FAM114A2: variants seen among roughly 807,000 people sequenced by gnomAD.
FAM114A2 encodes family with sequence similarity 114 member A2, also known as protein FAM114A2.
Under a neutral mutation model 58.4 loss-of-function variants are expected in FAM114A2, and 53 were observed. That is an observed-to-expected ratio of 0.91 (90% CI 0.73 to 1.14). FAM114A2 has a LOEUF of 1.14. FAM114A2 is among the 50% of genes most tolerant of loss of function. The probability of loss-of-function intolerance (pLI) is 0.00; values close to 1 mark genes in which losing one functional copy is unlikely to be tolerated. For missense variants in FAM114A2, 601 were observed against 581.1 expected (o/e 1.03, Z -0.35); for synonymous variants, 228 against 211.4 (o/e 1.08, Z -0.68).
chr5:154,038,314 T>A (rs1335123874), intron 1 of FAM114A2: 1 of 152,224 alleles, frequency 6.6e-6, no homozygotes, highest in African/African-American at 2.4e-5. Flanking sequence ...GCAGTACAGC[T>A]TAGTAGCTAA....
rs780300198 is a variant in FAM114A2 at position 153,992,933 on chromosome 5, T to C, written c.*43A>G. 1.9e-6 allele frequency: 3 copies of C among 1,587,390 alleles called. No individual in the cohort carries two copies. The South Asian group carries it at 3.4e-5, about 18-fold the overall frequency. On this transcript the variant is annotated 3_prime_UTR_variant, in exon 14 of 14. Transcript: ENST00000351797. ...CAGGAGTAGCCAGAATAAGGTGGCA[T>C]TCCTTGGCCGTCACAAGTCCCAGGT...
At chr5:154,004,530 CAAAT>C (rs1279900053) in intron 9 of FAM114A2, among the ~76,000 whole-genome samples, 1 of 151,228 alleles carries the variant, frequency 6.6e-6, no homozygotes, top group East Asian at 2.0e-4. Flanking sequence ...ACACATACAA[CAAAT>C]AAAAACTTTG....
Position 154,029,482 on chromosome 5 carries a change from T to A in FAM114A2, c.495+7A>T, listed in dbSNP as rs750676382. ...AGGAACAGACCACCTTGCACTTTTT[T>A]ACTTACTGTGCTCTGAACAGCAGTA... On this transcript the variant is annotated splice_region_variant and intron_variant, in intron 5 of 13. Coordinates refer to ENST00000351797, the MANE Select transcript of FAM114A2 (RefSeq NM_018691.4). 5.9e-6 allele frequency: 9 copies of A among 1,538,426 alleles called. No individual in the cohort carries two copies. The highest frequency in any genetic ancestry group is 8.1e-6 in the Non-Finnish European group (9 of 1,112,718).
intron 8 of FAM114A2, among the ~76,000 whole-genome samples, chr5:154,012,816 G>A (rs2113332445): frequency 6.6e-6 from 1 of 152,152 alleles, no homozygotes; most frequent in East Asian, 1.9e-4. Context: ...TGGATACAAG[G>A]GATGAATCTG....
chr5:154,018,593 G>C (rs1771202463), intron 8 of FAM114A2, among the ~76,000 whole-genome samples: 1 of 152,036 alleles, frequency 6.6e-6, no homozygotes, highest in Non-Finnish European at 1.5e-5. Flanking sequence ...AACCAGGAAA[G>C]AACATAACCA....
intron 8 of FAM114A2, among the ~76,000 whole-genome samples, chr5:154,011,587 A>G (rs1250061887): frequency 3.9e-5 from 6 of 152,168 alleles, no homozygotes; most frequent in African/African-American, 1.4e-4. Flanking sequence ...ACATTAAGTG[A>G]CTTCCCCAAG....
At chr5:154,034,409 C>A (rs1213728935) in intron 2 of FAM114A2, 32 bp from the exon 3 acceptor site, 2 of 1,371,136 alleles carry the variant, frequency 1.5e-6, no homozygotes, top group Non-Finnish European at 2.0e-6. Flanking sequence ...AAACAAAAGG[C>A]AAAGAAAAAT....
chr5:154,023,889 G>GA (rs982658290), intron 8 of FAM114A2, among the ~76,000 whole-genome samples: 16 of 151,688 alleles, frequency 1.1e-4, no homozygotes, highest in African/African-American at 3.1e-4. Flanking sequence ...AAAAGAAAAA[G>GA]AAAAAAAAGT....
intron 9 of FAM114A2, among the ~76,000 whole-genome samples, chr5:154,008,530 A>ATTGAAAATT (rs1481720505): frequency 1.3e-5 from 2 of 152,168 alleles, no homozygotes; most frequent in Non-Finnish European, 2.9e-5. Context: ...GTCAAAATGA[A>ATTGAAAATT]TTGAAAATTT....
chr5:153,997,689 TACTAAAA>T lies in FAM114A2; in HGVS notation c.1329+107_1329+113del, dbSNP rs1208462414. 1.3e-5 allele frequency: 9 copies of T among 688,618 alleles called. No individual in the cohort carries two copies. The Admixed American group carries it at 1.7e-4, about 13-fold the overall frequency. The allele number at this position is 688,618 out of a possible 1,614,324, so 42.7% of individuals were successfully genotyped here. On this transcript the variant is annotated intron_variant, in intron 12 of 13. Coordinates refer to ENST00000351797, the MANE Select transcript of FAM114A2 (RefSeq NM_018691.4). ...AAATGGCCGCGCAACTCTGTAAATA[TACTAAAA>T]ACTAAAAACTATTGAATTGTACACT... is the stretch of plus-strand genomic sequence containing the variant.
intron 8 of FAM114A2, among the ~76,000 whole-genome samples, chr5:154,022,669 T>C (rs546768919): frequency 6.6e-6 from 1 of 152,242 alleles, no homozygotes; most frequent in Admixed American, 6.5e-5. Context: ...GAAATAGGAA[T>C]GCTTTTACAA....
intron 8 of FAM114A2, among the ~76,000 whole-genome samples, chr5:154,025,349 G>A (rs1429948505): frequency 6.6e-6 from 1 of 151,774 alleles, no homozygotes; most frequent in Non-Finnish European, 1.5e-5. Context: ...AGTAGAGTCT[G>A]CTAACATCTT....
chr5:153,995,491 G>GA (rs1185279953), intron 12 of FAM114A2, among the ~76,000 whole-genome samples: 1 of 152,034 alleles, frequency 6.6e-6, no homozygotes, highest in Non-Finnish European at 1.5e-5. Flanking sequence ...ATACTACAGG[G>GA]AAAAGTGAAG....
At chr5:154,005,188 C>T (rs1770270487) in intron 9 of FAM114A2, among the ~76,000 whole-genome samples, 1 of 152,170 alleles carries the variant, frequency 6.6e-6, no homozygotes, top group Non-Finnish European at 1.5e-5. Context: ...AGAACATCTA[C>T]TGTTTTGGAT....
Position 154,037,467 on chromosome 5 carries a change from G to A in FAM114A2, c.-15+1390C>T, listed in dbSNP as rs542870209. 1.1e-4 allele frequency among the ~76,000 whole-genome samples: 16 copies of A among 152,276 alleles called. No homozygotes were observed. The South Asian group carries it at 3.3e-3, about 32-fold the overall frequency. On this transcript the variant is annotated intron_variant, in intron 1 of 13. Transcript: ENST00000351797. ...TAGTACCACAGTACCTGTGGAGATA[G>A]AGAACTAATGTAAGCCATTCACTCC...
chr5:154,034,231 T>TA (rs770716453), intron 3 of FAM114A2, 47 bp downstream of exon 3: 1 of 1,168,416 alleles, frequency 8.6e-7, no homozygotes, highest in South Asian at 1.4e-5. Context: ...CAGATCTGTA[T>TA]AAAATAAATA....
intron 8 of FAM114A2, among the ~76,000 whole-genome samples, chr5:154,021,141 G>GT (rs1333760945): frequency 2.0e-5 from 3 of 152,112 alleles, no homozygotes; most frequent in African/African-American, 7.2e-5. Flanking sequence ...TTGATGGAAC[G>GT]TATCTCAAAA....
intron 10 of FAM114A2, among the ~76,000 whole-genome samples, 177 bp from the exon 11 acceptor site, chr5:154,002,567 G>C (rs1349115896): frequency 6.6e-6 from 1 of 152,182 alleles, no homozygotes; most frequent in African/African-American, 2.4e-5. Flanking sequence ...CCTGAAGTCA[G>C]GTGTGACGAA....
At chr5:154,009,653 A>G (rs1178676664) in intron 9 of FAM114A2, among the ~76,000 whole-genome samples, 1 of 152,240 alleles carries the variant, frequency 6.6e-6, no homozygotes, top group East Asian at 1.9e-4. Context: ...GGGCAGATGG[A>G]TATCATGTAC....
Sources: gnomAD v4.1 joint callset for allele counts (sites outside exome capture counted in the v4.1 genomes callset) on GRCh38, gnomAD v4.1.1 for gene constraint, MANE v1.5 for transcripts, NCBI Gene and HGNC (gene_info 2026-07-23, HGNC 2026-07-21) for gene names.